Variants in ATP13A5 observed in about 807,000 individuals in gnomAD.
The protein encoded by ATP13A5 is probable cation-transporting ATPase 13A5.
Under a neutral mutation model 150.2 loss-of-function variants are expected in ATP13A5, and 149 were observed. That is an observed-to-expected ratio of 0.99 (90% CI 0.87 to 1.14). The LOEUF is 1.14. ATP13A5 is among the 50% of genes most tolerant of loss of function. The pLI is 0.00. For missense variants in ATP13A5, 1,383 were observed against 1,449.3 expected (o/e 0.95, Z 0.74); for synonymous variants, 497 against 522.2 (o/e 0.95, Z 0.66).
intron 23 of ATP13A5, among the ~76,000 whole-genome samples, chr3:193,302,546 C>T (rs1718439464): frequency 6.6e-6 from 1 of 152,200 alleles, no homozygotes; most frequent in African/African-American, 2.4e-5. Context: ...TCCAAAATTA[C>T]TGCTATTCCT....
chr3:193,335,209 G>T, intron 9 of ATP13A5, 110 bp from the exon 10 acceptor site: 1 of 952,740 alleles, frequency 1.0e-6, no homozygotes, highest in Non-Finnish European at 1.6e-6. Context: ...CGGTCTTAAT[G>T]CCCATCCCAT....
intron 7 of ATP13A5, among the ~76,000 whole-genome samples, 157 bp downstream of exon 7, chr3:193,350,910 C>A (rs185307998): frequency 2.0e-5 from 3 of 152,266 alleles, no homozygotes; most frequent in Admixed American, 2.0e-4. Context: ...CCCTGGTAGT[C>A]CAAAGTCCTT....
chr3:193,281,315 C>T, intron 27 of ATP13A5: 1 of 495,814 alleles, frequency 2.0e-6, no homozygotes, highest in Non-Finnish European at 2.6e-6. Flanking sequence ...GTCTAATGGT[C>T]TAAAAACTAG....
chr3:193,334,949 C>T lies in ATP13A5; in HGVS notation c.1094G>A (p.Arg365Gln), dbSNP rs372618344. The T allele has an allele frequency of 3.4e-5, 55 of 1,613,198 alleles. No individual in the cohort carries two copies. Among genetic ancestry groups the T allele is most frequent in the Admixed American group, 1.3e-4 (8 of 59,934 alleles). ...QVKPSGQGPV[R>Q]AVVLQTGYNT... ...CTAACCTGTTTGCAAAACGACTGCTCGTACAGGCCCCTGCCCAGAGGGCTT... is the reference window on the plus strand; with the variant it reads ...CTAACCTGTTTGCAAAACGACTGCTTGTACAGGCCCCTGCCCAGAGGGCTT... Residue 365 changes from arginine (R) to glutamine (Q), a missense_variant, in exon 10 of 30, where the codon CGA becomes CAA. Arg to Gln is a conservative substitution (Grantham distance 43, BLOSUM62 1). Around this residue, in one of 3 missense-constraint regions of ATP13A5, gnomAD observed 787 missense variants for 771.9 expected, o/e 1.02. Transcript: ENST00000342358.
At chr3:193,357,670 C>T (rs1467023956) in intron 5 of ATP13A5, among the ~76,000 whole-genome samples, 1 of 152,172 alleles carries the variant, frequency 6.6e-6, no homozygotes, top group Non-Finnish European at 1.5e-5. Context: ...CACAGAACAA[C>T]GTAGGCTAAA....
intron 27 of ATP13A5, chr3:193,281,040 TA>T: frequency 9.6e-6 from 2 of 207,938 alleles, no homozygotes; most frequent in Non-Finnish European, 1.7e-5. Flanking sequence ...TTTATGTATA[TA>T]AATAAATGCA....
intron 10 of ATP13A5, among the ~76,000 whole-genome samples, chr3:193,334,381 C>A (rs1711762824): frequency 6.6e-6 from 1 of 152,092 alleles, no homozygotes; most frequent in Admixed American, 6.6e-5. Flanking sequence ...GATTTGGTGC[C>A]ACATTTGGTA....
At chr3:193,324,832 A>G in intron 14 of ATP13A5, 32 bp downstream of exon 14, 4 of 1,602,016 alleles carry the variant, frequency 2.5e-6, no homozygotes, top group Admixed American at 1.7e-5. Flanking sequence ...ATTTCCTCAG[A>G]TTCTCATCTT....
Position 193,309,162 on chromosome 3 carries a change from A to G in ATP13A5, c.2525+1476T>C, listed in dbSNP as rs141736976. ...TGGTCTCAAGAAGTACCATTTCACT[A>G]TAAGGTAACTTGGTCATCTTTATTT... On this transcript the variant is annotated intron_variant, in intron 21 of 29. Transcript: ENST00000342358. 1.1e-4 allele frequency among the ~76,000 whole-genome samples: 16 copies of G among 152,340 alleles called. No homozygotes were observed. The East Asian group carries it at 2.7e-3, about 26-fold the overall frequency.
intron 7 of ATP13A5, among the ~76,000 whole-genome samples, chr3:193,349,027 G>T (rs899211046): frequency 1.3e-5 from 2 of 152,124 alleles, no homozygotes; most frequent in Admixed American, 1.3e-4. Context: ...TTCATAATTT[G>T]CCATGTCCCA....
chr3:193,325,226 C>T (rs894729457), intron 13 of ATP13A5, among the ~76,000 whole-genome samples: 1 of 152,164 alleles, frequency 6.6e-6, no homozygotes, highest in Non-Finnish European at 1.5e-5. Flanking sequence ...AGTGTCCACT[C>T]CTACTAATGT....
intron 1 of ATP13A5, among the ~76,000 whole-genome samples, chr3:193,374,409 G>A (rs76956732): frequency 0.011 from 1,715 of 152,098 alleles, 22 homozygotes; most frequent in Non-Finnish European, 0.015. Flanking sequence ...TTAGGAGTTC[G>A]AGGCAGGAAC....
chr3:193,279,717 C>A (rs141536762), intron 27 of ATP13A5, among the ~76,000 whole-genome samples: 62 of 152,224 alleles, frequency 4.1e-4, no homozygotes, highest in African/African-American at 1.5e-3. Context: ...CCCTGGTGCA[C>A]TATCACTGCG....
intron 19 of ATP13A5, among the ~76,000 whole-genome samples, chr3:193,312,192 A>C (rs1718881257): frequency 6.6e-6 from 1 of 152,224 alleles, no homozygotes; most frequent in Admixed American, 6.5e-5. Context: ...AATATGTATG[A>C]TGTCAGTCTA....
chr3:193,361,899 T>C (rs1398383989), intron 5 of ATP13A5, among the ~76,000 whole-genome samples: 1 of 152,202 alleles, frequency 6.6e-6, no homozygotes, highest in Non-Finnish European at 1.5e-5. Flanking sequence ...ACTCTAGAAT[T>C]ATGTATTGAG....
At chr3:193,345,875 T>C (rs1049632448) in intron 7 of ATP13A5, among the ~76,000 whole-genome samples, 4 of 152,138 alleles carry the variant, frequency 2.6e-5, no homozygotes, top group African/African-American at 9.7e-5. Context: ...TGCCTCTGTC[T>C]CCTTGTCTGT....
At chr3:193,277,699 G>C (rs909278788) in intron 28 of ATP13A5, 1 of 152,196 alleles carries the variant, frequency 6.6e-6, no homozygotes, top group Admixed American at 6.5e-5. Context: ...TGGATTAAAG[G>C]GTTGTTTGGA....
intron 27 of ATP13A5, among the ~76,000 whole-genome samples, chr3:193,282,405 C>T (rs1341600491): frequency 2.0e-5 from 3 of 151,202 alleles, no homozygotes; most frequent in African/African-American, 4.9e-5. Flanking sequence ...GACGGAGTCT[C>T]GCTCTGTTGC....
Position 193,307,308 on chromosome 3 carries a change from A to T in ATP13A5, c.2568+19T>A. ...ATATTAGTGAGTGGCTTGTCTGAGC[A>T]AAAGCCATTTCTACTCACCCCACAG... On this transcript the variant is annotated intron_variant, in intron 22 of 29. Transcript: ENST00000342358. The T allele has an allele frequency of 1.2e-6, 2 of 1,613,748 alleles. No individual in the cohort carries two copies. The highest frequency in any genetic ancestry group is 1.7e-6 in the Non-Finnish European group (2 of 1,179,828).
Sources: allele counts gnomAD v4.1 joint callset (sites outside exome capture counted in the v4.1 genomes callset), GRCh38; gene constraint gnomAD v4.1.1; regional missense constraint gnomAD v4.1.1; transcripts MANE v1.5; gene names NCBI Gene and HGNC (gene_info 2026-07-23, HGNC 2026-07-21).